The following CEP152 variants were observed in gnomAD, a reference collection of about 807,000 sequenced individuals.
CEP152 encodes the protein centrosomal protein 152, also known as centrosomal protein of 152 kDa.
In CEP152, 132 loss-of-function variants were observed where a neutral mutation model predicts 188.9. That is an observed-to-expected ratio of 0.70 (90% CI 0.61 to 0.81). The LOEUF (loss-of-function observed/expected upper bound fraction) is 0.81. Ranked by LOEUF, CEP152 falls within the 30% of genes least tolerant of loss-of-function variation. The pLI is 0.00. For synonymous variants in CEP152, 649 were observed against 666.6 expected (o/e 0.97, Z 0.41); for missense variants, 1,914 against 1,969.8 (o/e 0.97, Z 0.54).
chr15:48,772,232 G>A (rs1895585229), intron 13 of CEP152, among the ~76,000 whole-genome samples: 1 of 152,026 alleles, frequency 6.6e-6, no homozygotes, highest in Non-Finnish European at 1.5e-5. Context: ...GCAACATTGT[G>A]GGAACCTGTC....
chr15:48,793,256 G>A (rs376976354), intron 7 of CEP152, 65 bp downstream of exon 7: 4 of 1,580,992 alleles, frequency 2.5e-6, no homozygotes, highest in East Asian at 4.5e-5. Flanking sequence ...TATGTAATCT[G>A]AGGTTATTGG....
intron 8 of CEP152, among the ~76,000 whole-genome samples, chr15:48,789,721 T>C (rs1317179909): frequency 1.3e-5 from 2 of 152,328 alleles, no homozygotes; most frequent in Admixed American, 6.5e-5. Context: ...CATTCATTGC[T>C]GGCTTTGAAG....
chr15:48,744,962 A>G lies in CEP152; in HGVS notation c.3665T>C (p.Ile1222Thr). ...EENNKVVEELIEENNDMKNKL... is the reference protein window; with the variant it reads ...EENNKVVEELTEENNDMKNKL... ...ATTCTTCATGTCGTTGTTTTCTTCT[A>G]TTAATTCTTCAACAACTTTATTATT... Residue 1222 changes from isoleucine (I) to threonine (T), a missense_variant, in exon 23 of 27, where the codon ATA becomes ACA. Physicochemically the swap from Ile to Thr is moderately conservative, Grantham distance 89. Coordinates refer to ENST00000380950, the MANE Select transcript of CEP152 (RefSeq NM_001194998.2). The G allele has an allele frequency of 6.2e-7, 1 of 1,608,932 alleles. No homozygotes were observed. Among genetic ancestry groups the G allele is most frequent in the Non-Finnish European group, 8.5e-7 (1 of 1,177,942 alleles).
In CEP152 at chr15:48,738,251, A is replaced by T. The variant is rs1191560613; in HGVS notation, c.5131T>A (p.Ter1711LysextTer6). The T allele has an allele frequency of 1.5e-5, 24 of 1,611,808 alleles. No individual in the cohort carries two copies. Among genetic ancestry groups the T allele is most frequent in the Non-Finnish European group, 1.9e-5 (22 of 1,178,514 alleles). Residue 1711 changes from the stop codon to lysine (K), a stop_lost, in exon 27 of 27, where the codon TAA becomes AAA. Transcript: ENST00000380950. ...GFDSPFVNLD[*>K] ...TCTTCTTAAATACTGTACCATAATT[A>T]GTCTAGATTAACAAATGGGCTATCA...
chr15:48,791,365 C>T lies in CEP152; in HGVS notation c.844G>A (p.Gly282Ser). The change falls in exon 8 of 27, where the codon GGT becomes AGT. Residue 282 changes from glycine (G) to serine (S), a missense_variant. Physicochemically the swap from Gly to Ser is moderately conservative, Grantham distance 56. Coordinates refer to ENST00000380950, the MANE Select transcript of CEP152 (RefSeq NM_001194998.2). ...GATTCTCGAAGGCTGAGAGTCAAAC[C>T]ATCCTTTTCATCTACGGTATTAAAA... ...QLVIIKDEKD[G>S]LTLSLRESQK... 6.2e-7 allele frequency: 1 copy of T among 1,611,802 alleles called. No individual in the cohort carries two copies. The highest frequency in any genetic ancestry group is 8.5e-7 in the Non-Finnish European group (1 of 1,179,356).
At chr15:48,753,729 G>A (rs2140652604) in intron 20 of CEP152, among the ~76,000 whole-genome samples, 1 of 152,280 alleles carries the variant, frequency 6.6e-6, no homozygotes, top group East Asian at 1.9e-4. Context: ...TGGTAAAAGA[G>A]ACAACATACA....
intron 2 of CEP152, among the ~76,000 whole-genome samples, chr15:48,803,679 G>T (rs1897811645): frequency 6.6e-6 from 1 of 152,080 alleles, no homozygotes; most frequent in Non-Finnish European, 1.5e-5. Flanking sequence ...ATCTATCAAA[G>T]AGGTGATCCC....
At chr15:48,766,714 T>C (rs1450699679) in intron 17 of CEP152, among the ~76,000 whole-genome samples, 1 of 151,432 alleles carries the variant, frequency 6.6e-6, no homozygotes, top group Non-Finnish European at 1.5e-5. Context: ...CTCACAGGAC[T>C]ACATAGGGTT....
chr15:48,804,859 A>G lies in CEP152; in HGVS notation c.87+704T>C, dbSNP rs76489203. On this transcript the variant is annotated intron_variant, in intron 2 of 26. Coordinates refer to ENST00000380950, the MANE Select transcript of CEP152 (RefSeq NM_001194998.2). ...ATCTGACACCCACATCCACCACCCAACACTGGCTCATATATACCCAATACC... is the reference window on the plus strand; with the variant it reads ...ATCTGACACCCACATCCACCACCCAGCACTGGCTCATATATACCCAATACC... Among the ~76,000 whole-genome samples, 34 of 152,284 alleles carry G rather than the reference A, an allele frequency of 2.2e-4. No homozygotes were observed. In the East Asian group the frequency reaches 6.4e-3, roughly 29 times the overall value.
At chr15:48,761,045 G>A (rs1894647225) in intron 18 of CEP152, among the ~76,000 whole-genome samples, 1 of 152,124 alleles carries the variant, frequency 6.6e-6, no homozygotes, top group East Asian at 1.9e-4. Flanking sequence ...TAAAGCTCCT[G>A]TAGAAATTTA....
chr15:48,807,561 CAAAA>C (rs11320949), intron 1 of CEP152, among the ~76,000 whole-genome samples: 3 of 109,098 alleles, frequency 2.7e-5, no homozygotes, highest in Non-Finnish European at 1.9e-5. Context: ...GACTCCGTCT[CAAAA>C]AAAAAAAAAA....
At position 48,762,423 on chromosome 15, in the gene CEP152, C is replaced by T; in HGVS notation, c.2530G>A (p.Glu844Lys). The stretch of plus-strand genomic sequence containing the variant: ...GTAATATTTTCACAATGTTTGAGTT[C>T]CAATTCAATTTCGAGTTTCTTCATA... ...GAMKKLEIEL[E>K]LKHCENITKQ... The change falls in exon 18 of 27, where the codon GAA (glutamate) becomes AAA (lysine). Residue 844 changes from glutamate (E) to lysine (K), a missense_variant. Coordinates refer to ENST00000380950, the MANE Select transcript of CEP152 (RefSeq NM_001194998.2). 4 of 1,613,990 alleles carry T rather than the reference C, an allele frequency of 2.5e-6. No homozygotes were observed. The highest frequency in any genetic ancestry group is 1.1e-5 in the South Asian group (1 of 91,066).
At chr15:48,733,513 CA>C (rs1044611788), downstream of CEP152, among the ~76,000 whole-genome samples, 4 of 152,084 alleles carry the variant, frequency 2.6e-5, no homozygotes, top group African/African-American at 7.2e-5. Context: ...GAAGAATGCA[CA>C]GTGCCTCAAA....
Position 48,793,397 on chromosome 15 carries a change from C to T in CEP152, c.756G>A (p.Leu252=), listed in dbSNP as rs375482946. ...CATTTAACTTTTCAATTAAGTTCTCCAGTTGTCTCTCTTTTGCTTTGTTAA... is the reference window on the plus strand; with the variant it reads ...CATTTAACTTTTCAATTAAGTTCTCTAGTTGTCTCTCTTTTGCTTTGTTAA... The part of the protein sequence containing the change: ...QVLNKAKERQ[L]ENLIEKLNES... The change falls in exon 7 of 27, where the codon CTG becomes CTA. Residue 252 remains leucine (L), a synonymous_variant. Transcript: ENST00000380950. 7 of 1,613,686 alleles carry T rather than the reference C, an allele frequency of 4.3e-6. No homozygotes were observed. Among genetic ancestry groups the T allele is most frequent in the African/African-American group, 1.3e-5 (1 of 74,894 alleles).
intron 1 of CEP152, among the ~76,000 whole-genome samples, chr15:48,809,695 T>C (rs1898205779): frequency 6.6e-6 from 1 of 152,190 alleles, no homozygotes; most frequent in Admixed American, 6.5e-5. Flanking sequence ...ACTTCAAAGA[T>C]TGATTCTGAG....
chr15:48,729,571 G>T (rs1219067257), intron 2 of CEP152: 1 of 151,986 alleles, frequency 6.6e-6, no homozygotes, highest in African/African-American at 2.4e-5. Flanking sequence ...AAGTGTATAT[G>T]TATATAAATA....
At chr15:48,750,200 G>T (rs1893771228) in intron 21 of CEP152, among the ~76,000 whole-genome samples, 1 of 152,026 alleles carries the variant, frequency 6.6e-6, no homozygotes, top group Non-Finnish European at 1.5e-5. Flanking sequence ...TTTAAAAAAT[G>T]ATTTAAAACT....
chr15:48,762,370 T>C (rs773284176), intron 18 of CEP152, 21 bp downstream of exon 18: 22 of 1,607,512 alleles, frequency 1.4e-5, no homozygotes, highest in Non-Finnish European at 1.8e-5. Context: ...ATAAATTTAC[T>C]AGAATAAATC....
At chr15:48,746,030 TAA>T (rs1264842964) in intron 22 of CEP152, among the ~76,000 whole-genome samples, 1 of 152,268 alleles carries the variant, frequency 6.6e-6, no homozygotes, top group East Asian at 1.9e-4. Context: ...GTGATGGATA[TAA>T]CTTTTTGTTT....
Sources: gnomAD v4.1 joint callset for allele counts (sites outside exome capture counted in the v4.1 genomes callset) on GRCh38, gnomAD v4.1.1 for gene constraint, MANE v1.5 for transcripts, NCBI Gene and HGNC (gene_info 2026-07-23, HGNC 2026-07-21) for gene names.